Variants in CORIN observed in about 807,000 individuals in gnomAD.
CORIN encodes atrial natriuretic peptide-converting enzyme.
Under a neutral mutation model 125.3 loss-of-function variants are expected in CORIN, and 117 were observed. The observed-to-expected ratio is 0.93, with a 90% CI of 0.80 to 1.09. The LOEUF (loss-of-function observed/expected upper bound fraction) is 1.09, where lower values mean the gene tolerates loss of function less well. Ranked by LOEUF, CORIN falls within the 50% of genes least tolerant of loss-of-function variation. The pLI, the probability that CORIN is intolerant of heterozygous loss-of-function variation, is 0.00. For missense variants in CORIN, 1,253 were observed against 1,306.7 expected (o/e 0.96, Z 0.63); for synonymous variants, 450 against 466.4 (o/e 0.96, Z 0.45).
At chr4:47,770,227 C>T (rs956642354) in intron 3 of CORIN, among the ~76,000 whole-genome samples, 4 of 151,930 alleles carry the variant, frequency 2.6e-5, no homozygotes, top group African/African-American at 4.8e-5. Context: ...AAAATACATA[C>T]GAATGGCCAA....
intron 5 of CORIN, among the ~76,000 whole-genome samples, chr4:47,718,890 C>G (rs564976986): frequency 4.6e-5 from 7 of 152,318 alleles, no homozygotes; most frequent in African/African-American, 1.4e-4. Flanking sequence ...CAAGGGAGGA[C>G]AGTTGTCATC....
At chr4:47,796,263 A>G (rs1272869084) in intron 2 of CORIN, among the ~76,000 whole-genome samples, 1 of 152,096 alleles carries the variant, frequency 6.6e-6, no homozygotes, top group Non-Finnish European at 1.5e-5. Context: ...ACACAATGGT[A>G]TATCATTTGG....
At chr4:47,644,452 CTTCA>C (rs1008662262) in intron 14 of CORIN, among the ~76,000 whole-genome samples, 3 of 152,120 alleles carry the variant, frequency 2.0e-5, no homozygotes, top group Non-Finnish European at 2.9e-5. Context: ...AGATAAATGT[CTTCA>C]TTATTTGTCA....
At chr4:47,823,898 G>C (rs1318260789) in intron 1 of CORIN, among the ~76,000 whole-genome samples, 5 of 152,080 alleles carry the variant, frequency 3.3e-5, no homozygotes, top group Non-Finnish European at 5.9e-5. Flanking sequence ...ATCTTAGGTT[G>C]ACCTCCACAC....
chr4:47,632,218 C>T (rs994286989), intron 16 of CORIN: 3 of 152,196 alleles, frequency 2.0e-5, no homozygotes, highest in African/African-American at 7.2e-5. Context: ...ACATGTAACA[C>T]ACTTCAGTTG....
At chr4:47,615,003 A>T (rs1001341101) in intron 19 of CORIN, among the ~76,000 whole-genome samples, 1 of 152,228 alleles carries the variant, frequency 6.6e-6, no homozygotes, top group African/African-American at 2.4e-5. Context: ...TGGTTAGGGA[A>T]GGTCTTTGAG....
intron 5 of CORIN, among the ~76,000 whole-genome samples, chr4:47,729,840 G>A (rs189729386): frequency 1.3e-5 from 2 of 152,234 alleles, no homozygotes; most frequent in Non-Finnish European, 2.9e-5. Flanking sequence ...CAGTGAAAAC[G>A]GAATAACTTG....
At chr4:47,652,207 C>A (rs1365090878) in intron 13 of CORIN, among the ~76,000 whole-genome samples, 2 of 152,140 alleles carry the variant, frequency 1.3e-5, no homozygotes, top group Admixed American at 1.3e-4. Context: ...TACATTCCTC[C>A]ATAACAAAAT....
At chr4:47,634,323 A>C (rs949386494) in intron 16 of CORIN, among the ~76,000 whole-genome samples, 1 of 152,170 alleles carries the variant, frequency 6.6e-6, no homozygotes, top group African/African-American at 2.4e-5. Context: ...GAAAGAAGTC[A>C]TCTCTCCCAG....
chr4:47,647,908 A>G (rs1723557940), intron 13 of CORIN, among the ~76,000 whole-genome samples: 1 of 152,204 alleles, frequency 6.6e-6, no homozygotes, highest in Non-Finnish European at 1.5e-5. Flanking sequence ...TTAAATACAA[A>G]TAATAATGCC....
chr4:47,796,131 T>C (rs1731278556), intron 2 of CORIN, among the ~76,000 whole-genome samples: 2 of 151,998 alleles, frequency 1.3e-5, no homozygotes, highest in Non-Finnish European at 2.9e-5. Context: ...ATCCAAAAAA[T>C]TGAAATCAGG....
intron 5 of CORIN, among the ~76,000 whole-genome samples, chr4:47,735,184 T>G (rs1212060865): frequency 6.6e-6 from 1 of 152,242 alleles, no homozygotes; most frequent in Non-Finnish European, 1.5e-5. Flanking sequence ...TAACTATGTC[T>G]GTGTATACAA....
At chr4:47,655,528 GTT>G (rs762103282) in intron 12 of CORIN, among the ~76,000 whole-genome samples, 32 of 152,286 alleles carry the variant, frequency 2.1e-4, no homozygotes, top group Admixed American at 2.6e-4. Flanking sequence ...AACACTTGTG[GTT>G]TGGTAGTACT....
chr4:47,768,189 T>TA (rs1188827786), intron 3 of CORIN, among the ~76,000 whole-genome samples: 6 of 152,104 alleles, frequency 3.9e-5, no homozygotes, highest in African/African-American at 1.4e-4. Flanking sequence ...CCAAATCTTA[T>TA]AAAACGGCCC....
intron 1 of CORIN, among the ~76,000 whole-genome samples, chr4:47,823,979 T>G (rs2109979576): frequency 1.3e-5 from 2 of 152,310 alleles, no homozygotes; most frequent in East Asian, 3.9e-4. Flanking sequence ...GTGGCTGACG[T>G]GCTGCTGTCC....
chr4:47,731,906 G>T (rs564916752), intron 5 of CORIN, among the ~76,000 whole-genome samples: 2 of 152,088 alleles, frequency 1.3e-5, no homozygotes, highest in South Asian at 4.2e-4. Flanking sequence ...AATGTTGTTG[G>T]AGGTCAAAAA....
chr4:47,817,103 T>C (rs1439122925), intron 1 of CORIN, among the ~76,000 whole-genome samples: 1 of 152,102 alleles, frequency 6.6e-6, no homozygotes, highest in Non-Finnish European at 1.5e-5. Flanking sequence ...TATGCCTTTT[T>C]TCCACAGAGG....
At chr4:47,659,545 A>G (rs1724151480) in intron 12 of CORIN, among the ~76,000 whole-genome samples, 1 of 152,222 alleles carries the variant, frequency 6.6e-6, no homozygotes, top group Non-Finnish European at 1.5e-5. Context: ...TAGGCACATC[A>G]CATGGTAAAG....
intron 2 of CORIN, among the ~76,000 whole-genome samples, chr4:47,791,508 C>A (rs1249119551): frequency 6.6e-6 from 1 of 152,144 alleles, no homozygotes; most frequent in African/African-American, 2.4e-5. Context: ...TGCTAAGTTC[C>A]CTCACTATAG....
Sources: gnomAD v4.1 joint callset for allele counts (sites outside exome capture counted in the v4.1 genomes callset) on GRCh38, gnomAD v4.1.1 for gene constraint, MANE v1.5 for transcripts, NCBI Gene and HGNC (gene_info 2026-07-23, HGNC 2026-07-21) for gene names.